Variants in NIPBL observed in about 807,000 individuals in gnomAD.
The protein encoded by NIPBL is nipped-B-like protein.
Under a neutral mutation model 321.8 loss-of-function variants are expected in NIPBL, and 19 were observed. The ratio of observed to expected loss-of-function variants is 0.06; its 90% CI spans 0.04 to 0.09. The LOEUF (loss-of-function observed/expected upper bound fraction) is 0.09, where lower values mean the gene tolerates loss of function less well. NIPBL is among the 10% of genes least tolerant of loss of function. NIPBL has a pLI of 1.00. For synonymous variants in NIPBL, 1,106 were observed against 1,114.1 expected, an observed-to-expected ratio of 0.99 and a Z score of 0.14; for missense variants, 2,210 against 3,327.0, an observed-to-expected ratio of 0.66 and a Z score of 8.26.
At chr5:37,007,785 T>G (rs1747617087) in intron 18 of NIPBL, among the ~76,000 whole-genome samples, 1 of 151,950 alleles carries the variant, frequency 6.6e-6, no homozygotes, top group Non-Finnish European at 1.5e-5. Flanking sequence ...AAGTAGAGAT[T>G]AGAGGACTGA....
At chr5:37,000,929 T>C (rs1351669174) in intron 13 of NIPBL, 41 bp downstream of exon 13, 6 of 1,588,662 alleles carry the variant, frequency 3.8e-6, no homozygotes, top group Non-Finnish European at 5.2e-6. Flanking sequence ...ATTCATATTC[T>C]TCAGCTTCAC....
Position 36,934,179 on chromosome 5 carries a change from T to C in NIPBL, c.-79-19439T>C, listed in dbSNP as rs1190797167. Among the ~76,000 whole-genome samples, 13 of 152,266 alleles carry C rather than the reference T, an allele frequency of 8.5e-5. No homozygotes were observed. The East Asian group carries it at 1.2e-3, about 14-fold the overall frequency. On this transcript the variant is annotated intron_variant, in intron 1 of 46. Coordinates refer to ENST00000282516, the MANE Select transcript of NIPBL (RefSeq NM_133433.4). ...GTTGTGTTTTTTATCTAATACATTC[T>C]CTAGCAGTGTTATATTTTATTTCAA...
chr5:37,018,591 A>G (rs1349177061), intron 24 of NIPBL, among the ~76,000 whole-genome samples: 1 of 152,138 alleles, frequency 6.6e-6, no homozygotes, highest in African/African-American at 2.4e-5. Flanking sequence ...AGATCTAGTT[A>G]CTGGATGACT....
intron 1 of NIPBL, among the ~76,000 whole-genome samples, chr5:36,923,805 T>C (rs1749139323): frequency 1.3e-5 from 2 of 152,222 alleles, no homozygotes; most frequent in South Asian, 4.1e-4. Context: ...AAATGTTCAC[T>C]ACTATTTGTA....
chr5:36,953,738 G>A lies in NIPBL; in HGVS notation c.42G>A (p.Ala14=), dbSNP rs727504045. ...DMPHVPITTL[A]GIASLTDLLN... is the part of the protein sequence containing the mutation. ...CCCATGTCCCCATTACTACTCTTGC[G>A]GGGATTGCTAGTCTCACAGACCGTA... is the stretch of plus-strand genomic sequence containing the variant. The change falls in exon 2 of 47, where the codon GCG becomes GCA. Residue 14 remains alanine, a synonymous_variant. Coordinates refer to ENST00000282516, the MANE Select transcript of NIPBL (RefSeq NM_133433.4). 53 of 1,613,570 alleles carry A rather than the reference G, an allele frequency of 3.3e-5. No homozygotes were observed. Among genetic ancestry groups the A allele is most frequent in the Non-Finnish European group, 4.2e-5 (50 of 1,179,646 alleles).
rs571522664 is a variant in NIPBL at position 37,009,804 on chromosome 5, TTAG to T, written c.4422-274_4422-272del. Reference sequence around the variant, plus strand: ...TTTTCAAAATCATTTTGAGAAATGTTTAGTAGTAGTATGAATTTTTATCTGCAA... The same window carrying T: ...TTTTCAAAATCATTTTGAGAAATGTTTAGTAGTATGAATTTTTATCTGCAA... On this transcript the variant is annotated intron_variant, in intron 20 of 46. Coordinates refer to ENST00000282516, the MANE Select transcript of NIPBL (RefSeq NM_133433.4). 3.9e-4 allele frequency among the ~76,000 whole-genome samples: 60 copies of T among 152,312 alleles called. No individual in the cohort carries two copies. In the South Asian group the frequency reaches 6.2e-3, roughly 16 times the overall value.
At position 37,010,211 on chromosome 5, in the gene NIPBL, G is replaced by A. The variant is rs1255194057; in HGVS notation, c.4546G>A (p.Asp1516Asn). 1.2e-6 allele frequency: 2 copies of A among 1,608,490 alleles called. No homozygotes were observed. The highest frequency in any genetic ancestry group is 1.7e-6 in the Non-Finnish European group (2 of 1,175,314). Residue 1516 changes from aspartate (D) to asparagine (N), a missense_variant, in exon 21 of 47, where the codon GAT becomes AAT. Coordinates refer to ENST00000282516, the MANE Select transcript of NIPBL (RefSeq NM_133433.4). ...AGAGAAGGACTCTAATGCAGAAGAA[G>A]ATTCAAATAAAAAAGTAAGGAATCT... is the stretch of plus-strand genomic sequence containing the variant. ...SSEKDSNAEE[D>N]SNKKIDQDVV...
chr5:36,985,919 A>G lies in NIPBL; in HGVS notation c.2739A>G (p.Pro913=). 1 of 1,613,948 alleles carries G rather than the reference A, an allele frequency of 6.2e-7. No homozygotes were observed. The highest frequency in any genetic ancestry group is 8.5e-7 in the Non-Finnish European group (1 of 1,179,964). The change falls in exon 10 of 47, where the codon CCA becomes CCG. Residue 913 remains proline (P), a synonymous_variant. Transcript: ENST00000282516. ...SRSDKLGFKS[P]TSKDDKRTEG... ...CTGATAAACTTGGTTTTAAATCACC[A>G]ACTAGTAAAGATGACAAAAGGACAG...
intron 46 of NIPBL, 200 bp downstream of exon 46, chr5:37,064,178 A>G: frequency 7.1e-7 from 1 of 1,418,116 alleles, no homozygotes; most frequent in Non-Finnish European, 9.2e-7. Context: ...ATAAAAAAAC[A>G]GAAATGAGAT....
Position 37,027,406 on chromosome 5 carries a change from T to A in NIPBL, c.5856T>A (p.Leu1952=), listed in dbSNP as rs776513362. The change falls in exon 32 of 47, where the codon CTT becomes CTA. Residue 1952 remains leucine (L), a synonymous_variant. Transcript: ENST00000282516. Reference sequence around the variant, plus strand: ...GATATGACTGGTTTGAGCAACTGCTTCAAAACGTGAGTGTTCTTTTGACTC... The same window carrying A: ...GATATGACTGGTTTGAGCAACTGCTACAAAACGTGAGTGTTCTTTTGACTC... ...DTGYDWFEQL[L]QNLLKSEEDS... The A allele has an allele frequency of 6.2e-7, 1 of 1,612,310 alleles. No individual in the cohort carries two copies. Among genetic ancestry groups the A allele is most frequent in the South Asian group, 1.1e-5 (1 of 91,050 alleles).
At chr5:37,038,125 G>A (rs1751928129) in intron 33 of NIPBL, among the ~76,000 whole-genome samples, 1 of 151,634 alleles carries the variant, frequency 6.6e-6, no homozygotes, top group African/African-American at 2.4e-5. Context: ...GAGTAACTGA[G>A]ACTACAAGTG....
intron 34 of NIPBL, 29 bp downstream of exon 34, chr5:37,038,767 T>C: frequency 1.2e-6 from 2 of 1,607,740 alleles, no homozygotes; most frequent in South Asian, 2.2e-5. Context: ...TATTCTTGTA[T>C]CTTACATAAA....
rs1264646461 is a variant in NIPBL at position 36,877,165 on chromosome 5, G to C, written c.-93G>C. 1 of 282,112 alleles carries C rather than the reference G, an allele frequency of 3.5e-6. No homozygotes were observed. Among genetic ancestry groups the C allele is most frequent in the African/African-American group, 2.2e-5 (1 of 44,862 alleles). The allele number at this position is 282,112 out of a possible 1,614,324, so 17.5% of individuals were successfully genotyped here. A position where few individuals can be genotyped will look rare whatever the true frequency, so the allele number is the denominator to read the frequency against. ...CCTCGGCCTCCCCTTGGATTCAGAC[G>C]CCGATTCGCCCAGGTAAATTCCTGC... On this transcript the variant is annotated 5_prime_UTR_variant, in exon 1 of 47. Coordinates refer to ENST00000282516, the MANE Select transcript of NIPBL (RefSeq NM_133433.4).
chr5:36,908,590 TAGAA>T (rs1420022071), intron 1 of NIPBL, among the ~76,000 whole-genome samples: 1 of 152,076 alleles, frequency 6.6e-6, no homozygotes, highest in African/African-American at 2.4e-5. Context: ...TTTTAAGAAA[TAGAA>T]AGATTTAAAG....
At chr5:36,972,417 T>G (rs935896627) in intron 8 of NIPBL, among the ~76,000 whole-genome samples, 3 of 152,132 alleles carry the variant, frequency 2.0e-5, no homozygotes, top group Non-Finnish European at 4.4e-5. Context: ...TTCTCCCACT[T>G]CTTTCATTGA....
At chr5:36,882,369 A>G (rs77445857) in intron 1 of NIPBL, among the ~76,000 whole-genome samples, 2,114 of 151,978 alleles carry the variant, frequency 0.014, 56 homozygotes, top group African/African-American at 0.049. Context: ...AAGGTTTTTC[A>G]GTTCCTCAAG....
chr5:36,917,309 C>G (rs1748542016), intron 1 of NIPBL, among the ~76,000 whole-genome samples: 1 of 152,184 alleles, frequency 6.6e-6, no homozygotes, highest in African/African-American at 2.4e-5. Flanking sequence ...AGTGTCTGTT[C>G]ATATCCTTCG....
intron 20 of NIPBL, 116 bp from the exon 21 acceptor site, chr5:37,009,971 C>G (rs1269865289): frequency 2.4e-6 from 2 of 819,264 alleles, no homozygotes; most frequent in East Asian, 2.7e-5. Flanking sequence ...ACAATAAGCA[C>G]TAAGATCATG....
chr5:36,921,891 T>TG (rs1217262846), intron 1 of NIPBL, among the ~76,000 whole-genome samples: 1 of 144,254 alleles, frequency 6.9e-6, no homozygotes, highest in Non-Finnish European at 1.5e-5. Context: ...GGGTTTTTTT[T>TG]GTTTTTTTTT....
Sources: gnomAD v4.1 joint callset for allele counts (sites outside exome capture counted in the v4.1 genomes callset) on GRCh38, gnomAD v4.1.1 for gene constraint, MANE v1.5 for transcripts, NCBI Gene and HGNC (gene_info 2026-07-23, HGNC 2026-07-21) for gene names.